ADARB1: variants seen among roughly 807,000 people sequenced by gnomAD.
ADARB1 encodes the protein adenosine deaminase RNA specific B1.
A neutral mutation model predicts 52.4 loss-of-function variants in ADARB1; 10 were observed. The observed-to-expected ratio is 0.19, with a 90% CI of 0.12 to 0.32. The LOEUF (loss-of-function observed/expected upper bound fraction) is 0.32. ADARB1 is among the 10% of genes least tolerant of loss of function. The probability of loss-of-function intolerance (pLI) is 1.00; values close to 1 mark genes in which losing one functional copy is unlikely to be tolerated. For synonymous variants in ADARB1, 349 were observed against 371.1 expected (o/e 0.94, Z 0.68); for missense variants, 643 against 922.3 (o/e 0.70, Z 3.92).
At chr21:45,177,007 C>A in intron 4 of ADARB1, 1 of 217,220 alleles carries the variant, frequency 4.6e-6, no homozygotes, top group Non-Finnish European at 9.2e-6. Flanking sequence ...GCAGGAGAGA[C>A]GGAAGAAGAG....
At chr21:45,146,947 C>T (rs1163165192) in intron 2 of ADARB1, among the ~76,000 whole-genome samples, 2 of 152,114 alleles carry the variant, frequency 1.3e-5, no homozygotes, top group African/African-American at 4.8e-5. Flanking sequence ...TGTTTCTGTC[C>T]CTGTTAGGAG....
chr21:45,217,602 A>G, intron 9 of ADARB1, among the ~76,000 whole-genome samples: 1 of 152,308 alleles, frequency 6.6e-6, no homozygotes, highest in East Asian at 1.9e-4. Flanking sequence ...AATTTAAATA[A>G]TAAGAAAAAA....
chr21:45,175,316 A>G (rs917886773), intron 3 of ADARB1, among the ~76,000 whole-genome samples: 2 of 152,166 alleles, frequency 1.3e-5, no homozygotes, highest in African/African-American at 4.8e-5. Flanking sequence ...AAATAAATAT[A>G]TATTTATCCA....
chr21:45,080,561 G>A (rs1568989201), intron 1 of ADARB1, among the ~76,000 whole-genome samples: 1 of 152,238 alleles, frequency 6.6e-6, no homozygotes, highest in Admixed American at 6.5e-5. Flanking sequence ...AAAAAGTTCG[G>A]AATCTCACCC....
At chr21:45,132,813 G>T (rs1893440683) in intron 2 of ADARB1, among the ~76,000 whole-genome samples, 1 of 152,240 alleles carries the variant, frequency 6.6e-6, no homozygotes, top group African/African-American at 2.4e-5. Flanking sequence ...AGGAGAGTAA[G>T]ATGTTACCTA....
chr21:45,150,530 A>G (rs1043511530), intron 2 of ADARB1, among the ~76,000 whole-genome samples: 1 of 152,232 alleles, frequency 6.6e-6, no homozygotes, highest in Non-Finnish European at 1.5e-5. Flanking sequence ...TAATAATTTT[A>G]TAAGAAATAA....
At chr21:45,130,270 TATATA>T (rs759930340) in intron 2 of ADARB1, among the ~76,000 whole-genome samples, 4 of 152,244 alleles carry the variant, frequency 2.6e-5, no homozygotes, top group South Asian at 2.1e-4. Flanking sequence ...CAAGTATTTT[TATATA>T]ATATAACTGT....
At chr21:45,081,414 G>A (rs945570099) in intron 1 of ADARB1, among the ~76,000 whole-genome samples, 16 of 152,176 alleles carry the variant, frequency 1.1e-4, no homozygotes, top group African/African-American at 3.6e-4. Context: ...TAAATTGCAT[G>A]CGATATTAAG....
At chr21:45,116,147 C>A (rs946421221) in intron 1 of ADARB1, among the ~76,000 whole-genome samples, 1 of 152,158 alleles carries the variant, frequency 6.6e-6, no homozygotes, top group Admixed American at 6.5e-5. Flanking sequence ...GTCCCCAGGG[C>A]GAAATTCCTC....
At chr21:45,194,228 C>T (rs2092371612) in intron 8 of ADARB1, among the ~76,000 whole-genome samples, 1 of 152,166 alleles carries the variant, frequency 6.6e-6, no homozygotes, top group African/African-American at 2.4e-5. Context: ...ACAGCCTCCC[C>T]ATCATCAGCA....
intron 2 of ADARB1, among the ~76,000 whole-genome samples, chr21:45,136,883 G>C (rs1411829366): frequency 2.6e-5 from 4 of 152,206 alleles, no homozygotes; most frequent in Non-Finnish European, 5.9e-5. Context: ...GTAAAGCTTG[G>C]TTTAAACAGC....
Position 45,182,767 on chromosome 21 carries a change from AC to A in ADARB1, c.1247+15del. On this transcript the variant is annotated intron_variant, in intron 6 of 10. Coordinates refer to ENST00000348831, the MANE Select transcript of ADARB1 (RefSeq NM_001112.4). ...GCTTTACTTAAAGTAAGTTTAGTAA[AC>A]AAATAAGGACAGGAAGCTCTTTTTA... is the stretch of plus-strand genomic sequence containing the variant. 6.4e-7 allele frequency: 1 copy of A among 1,560,796 alleles called. No homozygotes were observed. The highest frequency in any genetic ancestry group is 8.7e-7 in the Non-Finnish European group (1 of 1,155,394).
In ADARB1 at chr21:45,104,845, T is replaced by G. The variant is rs74889422; in HGVS notation, c.-219-23557T>G. ...TTTGAAGTTTTCTTGGGGTGCCTGC[T>G]GGCTACAAGGGGTCTAGATGTTTAT... On this transcript the variant is annotated intron_variant, in intron 1 of 10. Coordinates refer to ENST00000348831, the MANE Select transcript of ADARB1 (RefSeq NM_001112.4). Among the ~76,000 whole-genome samples, 791 of 152,336 alleles carry G rather than the reference T, an allele frequency of 5.2e-3. 6 individuals carry two copies. The highest frequency in any genetic ancestry group is 0.018 in the African/African-American group (758 of 41,568).
In ADARB1 at chr21:45,157,719, G is replaced by A. The variant is rs2090740000; in HGVS notation, c.-47-13891G>A. On this transcript the variant is annotated intron_variant, in intron 2 of 10. Transcript: ENST00000348831. The surrounding 1 kb of genome is among the most constrained non-coding windows in gnomAD (Gnocchi z 4.1). ...TAGGGTGGGGGTAACGAGGGAGAGG[G>A]ACAAGAAGGGCCAGGGCTTGTGACC... Among the ~76,000 whole-genome samples the A allele has an allele frequency of 6.6e-6, 1 of 152,158 alleles. No homozygotes were observed. Among genetic ancestry groups the A allele is most frequent in the African/African-American group, 2.4e-5 (1 of 41,416 alleles).
Position 45,083,928 on chromosome 21 carries a change from T to C in ADARB1, c.-220+9135T>C, listed in dbSNP as rs548660874. Among the ~76,000 whole-genome samples, 5 of 152,326 alleles carry C rather than the reference T, an allele frequency of 3.3e-5. No individual in the cohort carries two copies. In the East Asian group the frequency reaches 5.8e-4, roughly 18 times the overall value. ...GTTGCCCAGGCTGGTCTCGAGCTCC[T>C]GGACTCAAGGGATCCAATTGCCTCG... On this transcript the variant is annotated intron_variant, in intron 1 of 10. Coordinates refer to ENST00000348831, the MANE Select transcript of ADARB1 (RefSeq NM_001112.4).
At chr21:45,120,239 T>G (rs2088087608) in intron 1 of ADARB1, among the ~76,000 whole-genome samples, 1 of 152,220 alleles carries the variant, frequency 6.6e-6, no homozygotes, top group African/African-American at 2.4e-5. Flanking sequence ...GGGCTGTCTT[T>G]GGCCTCTACC....
intron 8 of ADARB1, among the ~76,000 whole-genome samples, chr21:45,202,884 C>T (rs2092587362): frequency 6.6e-6 from 1 of 151,194 alleles, no homozygotes; most frequent in Non-Finnish European, 1.5e-5. Context: ...TGCTGAGCGT[C>T]TTCCCCTGAA....
intron 1 of ADARB1, among the ~76,000 whole-genome samples, chr21:45,089,200 A>G (rs1254836802): frequency 1.3e-5 from 2 of 152,230 alleles, no homozygotes; most frequent in Non-Finnish European, 2.9e-5. Flanking sequence ...TGTGATTGAT[A>G]CATACTTCTC....
intron 1 of ADARB1, among the ~76,000 whole-genome samples, chr21:45,095,897 ACTG>A (rs1407046408): frequency 2.0e-5 from 3 of 152,122 alleles, no homozygotes; most frequent in Admixed American, 2.0e-4. Context: ...CTGGTTCCTG[ACTG>A]AGGGAGGCCT....
Sources: allele counts gnomAD v4.1 joint callset (sites outside exome capture counted in the v4.1 genomes callset), GRCh38; gene constraint gnomAD v4.1.1; non-coding constraint Gnocchi (gnomAD v3.1); transcripts MANE v1.5; gene names NCBI Gene and HGNC (gene_info 2026-07-23, HGNC 2026-07-21).